Variants in GRID1 observed in about 807,000 individuals in gnomAD.
GRID1 encodes the protein glutamate receptor ionotropic, delta-1.
A neutral mutation model predicts 98.0 loss-of-function variants in GRID1; 28 were observed. The ratio of observed to expected loss-of-function variants is 0.29; its 90% CI spans 0.21 to 0.39. The LOEUF (loss-of-function observed/expected upper bound fraction) is 0.39, where lower values mean the gene tolerates loss of function less well. GRID1 is among the 10% of genes least tolerant of loss of function. GRID1 has a pLI of 1.00. For missense variants in GRID1, 1,111 were observed against 1,340.5 expected, an observed-to-expected ratio of 0.83 and a Z score of 2.67; for synonymous variants, 553 against 538.5, an observed-to-expected ratio of 1.03 and a Z score of -0.37.
chr10:86,078,309 T>A (rs1843914290), intron 4 of GRID1, among the ~76,000 whole-genome samples: 1 of 152,264 alleles, frequency 6.6e-6, no homozygotes, highest in African/African-American at 2.4e-5. Context: ...CCTGGGCTTT[T>A]TGCCTCCTTC....
intron 8 of GRID1, among the ~76,000 whole-genome samples, chr10:85,809,859 C>A (rs1842654661): frequency 6.6e-6 from 1 of 152,164 alleles, no homozygotes; most frequent in African/African-American, 2.4e-5. Context: ...TGCAGCAGCC[C>A]TCACTGCCAC....
At position 86,126,384 on chromosome 10, in the gene GRID1, G is replaced by A. The variant is rs562256216; in HGVS notation, c.726+12435C>T. ...GCAGAGAATTGCTTAAACCTGGAGG[G>A]GCAGAGGTTGCAGCGAGCTGAGATC... On this transcript the variant is annotated intron_variant, in intron 4 of 15. Coordinates refer to ENST00000327946, the MANE Select transcript of GRID1 (RefSeq NM_017551.3). Among the ~76,000 whole-genome samples, 3 of 152,312 alleles carry A rather than the reference G, an allele frequency of 2.0e-5. No homozygotes were observed. In the South Asian group the frequency reaches 6.2e-4, roughly 32 times the overall value.
chr10:86,147,286 A>C (rs1410810043), intron 3 of GRID1, among the ~76,000 whole-genome samples: 1 of 152,166 alleles, frequency 6.6e-6, no homozygotes, highest in South Asian at 2.1e-4. Flanking sequence ...TGTATTAACC[A>C]TATCATTTTT....
At chr10:86,363,157 G>T (rs1437612540) in intron 2 of GRID1, among the ~76,000 whole-genome samples, 1 of 152,252 alleles carries the variant, frequency 6.6e-6, no homozygotes, top group Non-Finnish European at 1.5e-5. Context: ...GAAAGCAGAG[G>T]GGGTTGCTGT....
intron 5 of GRID1, among the ~76,000 whole-genome samples, chr10:85,872,883 C>T (rs941782818): frequency 2.0e-5 from 3 of 152,204 alleles, no homozygotes; most frequent in African/African-American, 7.2e-5. Flanking sequence ...CACCTCCTTG[C>T]ACTTGTGGGA....
chr10:85,982,736 C>G (rs1011523998), intron 4 of GRID1, among the ~76,000 whole-genome samples: 1 of 152,170 alleles, frequency 6.6e-6, no homozygotes, highest in African/African-American at 2.4e-5. Context: ...GCACCTGACT[C>G]ATATCAGGAC....
chr10:85,950,055 C>T (rs1842100770), intron 4 of GRID1, among the ~76,000 whole-genome samples: 1 of 151,962 alleles, frequency 6.6e-6, no homozygotes, highest in Non-Finnish European at 1.5e-5. Flanking sequence ...GAGAGAGATA[C>T]CTGGTAGGTA....
In GRID1 at chr10:85,723,115, C is replaced by A. The variant is rs1841722129; in HGVS notation, c.1885G>T (p.Ala629Ser). Reference protein sequence around the residue: ...QGGESSVNSMAMRIVMGSWWL... With the variant: ...QGGESSVNSMSMRIVMGSWWL... ...CAGCTGCCCATCACGATGCGCATGG[C>A]CATGGAGTTCACGGAAGATTCGCCA... Residue 629 changes from alanine (A) to serine (S), a missense_variant, in exon 12 of 16, where the codon GCC (alanine) becomes TCC (serine). This residue lies in a region of GRID1 where 762 missense variants were observed against 869.1 expected (regional missense o/e 0.88). Coordinates refer to ENST00000327946, the MANE Select transcript of GRID1 (RefSeq NM_017551.3). The A allele has an allele frequency of 4.3e-6, 7 of 1,609,960 alleles. No individual in the cohort carries two copies. Among genetic ancestry groups the A allele is most frequent in the Non-Finnish European group, 5.9e-6 (7 of 1,178,062 alleles).
chr10:85,890,948 C>T, intron 5 of GRID1, among the ~76,000 whole-genome samples: 1 of 152,194 alleles, frequency 6.6e-6, no homozygotes, highest in Non-Finnish European at 1.5e-5. Context: ...TTATTAAAAG[C>T]TGGCTGAGCC....
At chr10:85,948,421 T>C (rs973466316) in intron 4 of GRID1, among the ~76,000 whole-genome samples, 12 of 152,362 alleles carry the variant, frequency 7.9e-5, no homozygotes, top group African/African-American at 2.9e-4. Flanking sequence ...GGAGTGACAA[T>C]TTCCCAACTT....
intron 5 of GRID1, among the ~76,000 whole-genome samples, chr10:85,873,740 T>C (rs79193467): frequency 1.6e-3 from 247 of 152,350 alleles, no homozygotes; most frequent in Admixed American, 3.5e-3. Flanking sequence ...CTCTTGCAAC[T>C]GTGTTCTAAC....
At chr10:86,251,052 C>T (rs1367392408) in intron 2 of GRID1, among the ~76,000 whole-genome samples, 1 of 152,144 alleles carries the variant, frequency 6.6e-6, no homozygotes, top group Non-Finnish European at 1.5e-5. Context: ...CCCCCAACCC[C>T]GTGCTCTCTG....
chr10:86,074,719 C>T (rs889282699), intron 4 of GRID1, among the ~76,000 whole-genome samples: 1 of 152,156 alleles, frequency 6.6e-6, no homozygotes, highest in Non-Finnish European at 1.5e-5. Flanking sequence ...CTCAGCAGTG[C>T]TCCCACTTTC....
intron 4 of GRID1, among the ~76,000 whole-genome samples, chr10:85,990,614 T>A (rs958136968): frequency 6.6e-6 from 1 of 152,126 alleles, no homozygotes; most frequent in Non-Finnish European, 1.5e-5. Context: ...GCAAAGGCCA[T>A]GGGGCTCGAA....
intron 4 of GRID1, among the ~76,000 whole-genome samples, chr10:86,057,777 C>A (rs1843594664): frequency 6.6e-6 from 1 of 152,174 alleles, no homozygotes; most frequent in South Asian, 2.1e-4. Flanking sequence ...TTTCTCCACA[C>A]TCTAATGCAT....
intron 8 of GRID1, among the ~76,000 whole-genome samples, chr10:85,805,933 A>C (rs1055747104): frequency 1.3e-5 from 2 of 151,854 alleles, no homozygotes; most frequent in African/African-American, 4.8e-5. Flanking sequence ...AGTTTTTTTA[A>C]TAGGAAACAA....
At chr10:86,152,970 G>A (rs1160191849) in intron 3 of GRID1, among the ~76,000 whole-genome samples, 2 of 152,008 alleles carry the variant, frequency 1.3e-5, no homozygotes, top group Non-Finnish European at 1.5e-5. Flanking sequence ...TTGTTTCCTC[G>A]GGAACCTGTC....
intron 2 of GRID1, among the ~76,000 whole-genome samples, chr10:86,300,538 G>A (rs1302191348): frequency 1.6e-5 from 1 of 61,774 alleles, no homozygotes; most frequent in Non-Finnish European, 3.9e-5. Flanking sequence ...GGGGAGGGGA[G>A]GGGAGGGGAG....
intron 4 of GRID1, among the ~76,000 whole-genome samples, chr10:86,119,222 C>T (rs1844631135): frequency 6.6e-6 from 1 of 152,042 alleles, no homozygotes; most frequent in East Asian, 1.9e-4. Flanking sequence ...GTAGTTCCAG[C>T]TACTTGGGAG....
Sources: allele counts gnomAD v4.1 joint callset (sites outside exome capture counted in the v4.1 genomes callset), GRCh38; gene constraint gnomAD v4.1.1; regional missense constraint gnomAD v4.1.1; transcripts MANE v1.5; gene names NCBI Gene and HGNC (gene_info 2026-07-23, HGNC 2026-07-21).